The following TNFSF8 variants were observed in gnomAD, a reference collection of about 807,000 sequenced individuals.
TNFSF8 encodes the protein tumor necrosis factor ligand superfamily member 8.
A neutral mutation model predicts 22.0 loss-of-function variants in TNFSF8; 4 were observed. The observed-to-expected ratio is 0.18, with a 90% CI of 0.09 to 0.42. The LOEUF (loss-of-function observed/expected upper bound fraction) is 0.42. Among genes scored for constraint, TNFSF8 ranks in the 10% least tolerant of loss-of-function variants. The pLI is 1.00. For synonymous variants in TNFSF8, 106 were observed against 112.5 expected (o/e 0.94, Z 0.37); for missense variants, 233 against 281.8 (o/e 0.83, Z 1.24).
At chr9:114,911,526 T>C (rs773718481) in intron 2 of TNFSF8, among the ~76,000 whole-genome samples, 9 of 152,184 alleles carry the variant, frequency 5.9e-5, no homozygotes, top group Non-Finnish European at 1.3e-4. Flanking sequence ...TTGATATCAC[T>C]AAGCCAACTA....
At chr9:114,894,015 C>T (rs887252900) in exon 5 of TNFSF8, 111 of 1,361,828 alleles carry the variant, frequency 8.2e-5, no homozygotes, top group Non-Finnish European at 1.0e-4. Flanking sequence ...CATGACTTTC[C>T]ACTTAGCAGT....
rs1305565198 is a variant in TNFSF8, at chr9:114,903,908, T to C, written c.*23A>G. 6.3e-7 allele frequency: 1 copy of C among 1,584,316 alleles called. No homozygotes were observed. ...ACTGTATGGTAGAGAGGCGCTTTCT[T>C]CCTGAAGGCCAAGAGAAACTGTTCA... On this transcript the variant is annotated 3_prime_UTR_variant, in exon 4 of 4. Coordinates refer to ENST00000223795, the MANE Select transcript of TNFSF8 (RefSeq NM_001244.4).
At chr9:114,905,161 C>T (rs141307155) in intron 3 of TNFSF8, among the ~76,000 whole-genome samples, 1 of 152,308 alleles carries the variant, frequency 6.6e-6, no homozygotes, top group Admixed American at 6.5e-5. Context: ...CATGCTTTCC[C>T]TTTAAACCTC....
chr9:114,918,505 A>G (rs1827947882), intron 1 of TNFSF8, among the ~76,000 whole-genome samples: 1 of 151,154 alleles, frequency 6.6e-6, no homozygotes, highest in Non-Finnish European at 1.5e-5. Context: ...GCTGGAGTGC[A>G]GTGGTATGAT....
intron 4 of TNFSF8, chr9:114,894,200 G>A: frequency 1.7e-5 from 26 of 1,496,628 alleles, no homozygotes; most frequent in Non-Finnish European, 2.3e-5. Flanking sequence ...GTAGATATCG[G>A]CAGGAGAGAT....
intron 4 of TNFSF8, among the ~76,000 whole-genome samples, chr9:114,894,535 G>T (rs1264224563): frequency 6.6e-6 from 1 of 152,142 alleles, no homozygotes; most frequent in Non-Finnish European, 1.5e-5. Flanking sequence ...AACTGCAGTG[G>T]TTACATCTTA....
chr9:114,928,786 C>T (rs1828096967), intron 1 of TNFSF8, among the ~76,000 whole-genome samples: 1 of 152,164 alleles, frequency 6.6e-6, no homozygotes, highest in Non-Finnish European at 1.5e-5. Flanking sequence ...ATATTTGCAA[C>T]TCCTTCTTTT....
intron 2 of TNFSF8, among the ~76,000 whole-genome samples, chr9:114,912,171 T>G (rs977513752): frequency 6.6e-6 from 1 of 152,106 alleles, no homozygotes; most frequent in African/African-American, 2.4e-5. Context: ...TTCTTAAAAG[T>G]GAGAATAATA....
chr9:114,902,213 C>G lies in TNFSF8; in HGVS notation c.*1718G>C, dbSNP rs981353284. 3.0e-6 allele frequency: 3 copies of G among 985,252 alleles called. No individual in the cohort carries two copies. In the African/African-American group the frequency reaches 5.2e-5, roughly 17 times the overall value. The allele number at this position is 985,252 out of a possible 1,614,324, so 61.0% of individuals were successfully genotyped here. Reference sequence around the variant, plus strand: ...GCTACCCCAATCAGGAGAGAGGTTGCTGTTTCTCAGAAGTCCTCCTCCCCA... The same window carrying G: ...GCTACCCCAATCAGGAGAGAGGTTGGTGTTTCTCAGAAGTCCTCCTCCCCA... On this transcript the variant is annotated 3_prime_UTR_variant, in exon 4 of 4. Coordinates refer to ENST00000223795, the MANE Select transcript of TNFSF8 (RefSeq NM_001244.4).
At position 114,902,037 on chromosome 9, in the gene TNFSF8, A is replaced by T; in HGVS notation, c.*1894T>A. 1.0e-6 allele frequency: 1 copy of T among 985,394 alleles called. No individual in the cohort carries two copies. The highest frequency in any genetic ancestry group is 1.2e-6 in the Non-Finnish European group (1 of 829,930). 61.0% of individuals were successfully genotyped at this position (985,394 alleles called of 1,614,324 possible). A position where few individuals can be genotyped will look rare whatever the true frequency, so the allele number is the denominator to read the frequency against. Reference sequence around the variant, plus strand: ...CAAATTTTGCTCCATGTTTTGGTATAGCAGGGAAGCTTCCATCTTTTTTTA... The same window carrying T: ...CAAATTTTGCTCCATGTTTTGGTATTGCAGGGAAGCTTCCATCTTTTTTTA... On this transcript the variant is annotated 3_prime_UTR_variant, in exon 4 of 4. Coordinates refer to ENST00000223795, the MANE Select transcript of TNFSF8 (RefSeq NM_001244.4).
intron 2 of TNFSF8, among the ~76,000 whole-genome samples, chr9:114,908,010 A>C (rs1827805550): frequency 6.6e-6 from 1 of 152,164 alleles, no homozygotes; most frequent in Admixed American, 6.5e-5. Context: ...CATACCATTT[A>C]GGAATGTTGA....
intron 1 of TNFSF8, among the ~76,000 whole-genome samples, chr9:114,923,167 G>A (rs1275818279): frequency 6.6e-6 from 1 of 151,858 alleles, no homozygotes; most frequent in Non-Finnish European, 1.5e-5. Flanking sequence ...CTGACTTCTG[G>A]CCCTACCATT....
chr9:114,928,921 C>A (rs1006025), intron 1 of TNFSF8, among the ~76,000 whole-genome samples: 2 of 151,944 alleles, frequency 1.3e-5, no homozygotes, highest in African/African-American at 2.4e-5. Flanking sequence ...CTATAGAGTA[C>A]TTGGCCTAAG....
In TNFSF8 at chr9:114,904,147, G is replaced by A; in HGVS notation, c.489C>T (p.Leu163=). The change falls in exon 4 of 4, where the codon CTC becomes CTT. Residue 163 remains leucine, a synonymous_variant. Coordinates refer to ENST00000223795, the MANE Select transcript of TNFSF8 (RefSeq NM_001244.4). Reference sequence around the variant, plus strand: ...CCTGTTTTTTGATATGCTTGTTGATGAGAAGCTCCAACTTCAGATCGACAG... The same window carrying A: ...CCTGTTTTTTGATATGCTTGTTGATAAGAAGCTCCAACTTCAGATCGACAG... ...NNSVDLKLEL[L]INKHIKKQAL... The A allele has an allele frequency of 6.2e-7, 1 of 1,614,100 alleles. No individual in the cohort carries two copies. Among genetic ancestry groups the A allele is most frequent in the Non-Finnish European group, 8.5e-7 (1 of 1,179,986 alleles).
At chr9:114,905,474 T>C (rs1431092416) in intron 3 of TNFSF8, among the ~76,000 whole-genome samples, 1 of 150,910 alleles carries the variant, frequency 6.6e-6, no homozygotes, top group Non-Finnish European at 1.5e-5. Context: ...GGAAAAGGAC[T>C]GTGTACTTTG....
At chr9:114,908,929 G>A (rs1467971110) in intron 2 of TNFSF8, among the ~76,000 whole-genome samples, 1 of 152,152 alleles carries the variant, frequency 6.6e-6, no homozygotes, top group East Asian at 1.9e-4. Context: ...ACACCGTGGG[G>A]CCCAAGCACT....
In TNFSF8 at chr9:114,930,453, C is replaced by T. The variant is rs1040395643; in HGVS notation, c.-150G>A. 1 of 564,742 alleles carries T rather than the reference C, an allele frequency of 1.8e-6. No individual in the cohort carries two copies. Among genetic ancestry groups the T allele is most frequent in the African/African-American group, 1.9e-5 (1 of 51,418 alleles). 35.0% of individuals were successfully genotyped at this position (564,742 alleles called of 1,614,324 possible). On this transcript the variant is annotated 5_prime_UTR_variant, in exon 1 of 4. Transcript: ENST00000223795. ...TCACCTGCTGCCTGGTGGAGAAACT[C>T]TTCTCTGGGGGCGTGAGGCGAGAGG...
downstream of TNFSF8, among the ~76,000 whole-genome samples, chr9:114,898,897 A>C (rs888093315): frequency 6.6e-5 from 10 of 152,160 alleles, no homozygotes; most frequent in African/African-American, 2.4e-4. Flanking sequence ...TCTTGCAATC[A>C]GGAAGCCTGC....
intron 1 of TNFSF8, among the ~76,000 whole-genome samples, chr9:114,929,674 G>C (rs896089106): frequency 2.6e-5 from 4 of 151,842 alleles, no homozygotes; most frequent in Non-Finnish European, 5.9e-5. Flanking sequence ...TGTGTTATCA[G>C]GTTTCTCTAT....
Sources: gnomAD v4.1 joint callset for allele counts (sites outside exome capture counted in the v4.1 genomes callset) on GRCh38, gnomAD v4.1.1 for gene constraint, MANE v1.5 for transcripts, NCBI Gene and HGNC (gene_info 2026-07-23, HGNC 2026-07-21) for gene names.